POLN: variants seen among roughly 807,000 people sequenced by gnomAD.
POLN encodes the protein DNA polymerase N.
POLN carries 108 observed loss-of-function variants against 113.5 expected under a neutral mutation model. That is an observed-to-expected ratio of 0.95 (90% CI 0.81 to 1.12). POLN has a LOEUF of 1.12. POLN is among the 50% of genes most tolerant of loss of function. The pLI is 0.00. For synonymous variants in POLN, 386 were observed against 391.5 expected (o/e 0.99, Z 0.17); for missense variants, 1,097 against 1,077.1 (o/e 1.02, Z -0.26).
intron 4 of POLN, among the ~76,000 whole-genome samples, chr4:2,212,462 A>C: frequency 6.6e-6 from 1 of 152,008 alleles, no homozygotes; most frequent in East Asian, 1.9e-4. Flanking sequence ...GCAGCCTCAA[A>C]ATCCTTGGCT....
chr4:2,134,593 T>G (rs1165016450), intron 16 of POLN, among the ~76,000 whole-genome samples: 3 of 152,208 alleles, frequency 2.0e-5, no homozygotes, highest in Non-Finnish European at 4.4e-5. Flanking sequence ...CATTATTGTT[T>G]TAACCTCCCC....
At chr4:2,140,646 G>A (rs1490086786) in intron 16 of POLN, among the ~76,000 whole-genome samples, 1 of 152,012 alleles carries the variant, frequency 6.6e-6, no homozygotes, top group Non-Finnish European at 1.5e-5. Context: ...TACTCAGGAG[G>A]CTGAGGCATG....
chr4:2,172,211 A>T (rs777364677), intron 11 of POLN, among the ~76,000 whole-genome samples: 1 of 152,190 alleles, frequency 6.6e-6, no homozygotes, highest in Non-Finnish European at 1.5e-5. Context: ...TGCCTGCATG[A>T]CCTGAAATGC....
chr4:2,224,678 C>T (rs1434075440), intron 3 of POLN, among the ~76,000 whole-genome samples: 1 of 152,082 alleles, frequency 6.6e-6, no homozygotes, highest in Non-Finnish European at 1.5e-5. Flanking sequence ...CAGCTGGGTG[C>T]GGTGGCTCAT....
rs923737065 is a variant in POLN, at chr4:2,228,988, G to A, written c.133+111C>T. ...TCTGCACTGAATGAGTGTAAAAGGG[G>A]CGGGAGCTGGGCTTCATCTGTCTAC... On this transcript the variant is annotated intron_variant, in intron 3 of 25. Transcript: ENST00000511885. The A allele has an allele frequency of 4.7e-6, 5 of 1,070,954 alleles. No individual in the cohort carries two copies. In the African/African-American group the frequency reaches 8.2e-5, roughly 17 times the overall value. 66.3% of individuals were successfully genotyped at this position (1,070,954 alleles called of 1,614,324 possible).
chr4:2,110,787 C>T (rs1383305384), intron 19 of POLN, among the ~76,000 whole-genome samples: 2 of 152,284 alleles, frequency 1.3e-5, no homozygotes, highest in African/African-American at 2.4e-5. Flanking sequence ...CCAGATGGAT[C>T]CACAGCAGAA....
At chr4:2,098,947 G>C (rs1029485165) in intron 19 of POLN, among the ~76,000 whole-genome samples, 1 of 151,198 alleles carries the variant, frequency 6.6e-6, no homozygotes, top group African/African-American at 2.4e-5. Flanking sequence ...CACACACACT[G>C]AAGAGGTTAA....
chr4:2,117,072 ACAGGTC>A (rs1223836175), intron 19 of POLN, among the ~76,000 whole-genome samples: 2 of 152,218 alleles, frequency 1.3e-5, no homozygotes, highest in African/African-American at 2.4e-5. Context: ...CATGTCCATT[ACAGGTC>A]CACTGCAGCT....
At chr4:2,073,149 G>C in intron 24 of POLN, 120 bp from the exon 25 acceptor site, 1 of 908,208 alleles carries the variant, frequency 1.1e-6, no homozygotes, top group Admixed American at 2.1e-5. Flanking sequence ...CTTGTTTCCT[G>C]TGTCCACTCG....
chr4:2,073,218 C>A (rs904107658), intron 24 of POLN, among the ~76,000 whole-genome samples, 189 bp from the exon 25 acceptor site: 2 of 152,148 alleles, frequency 1.3e-5, no homozygotes, highest in African/African-American at 2.4e-5. Context: ...GTGCCCAGCC[C>A]CTGAGGCTGA....
intron 7 of POLN, among the ~76,000 whole-genome samples, chr4:2,189,045 G>T (rs1271050863): frequency 6.6e-6 from 1 of 151,188 alleles, no homozygotes; most frequent in Non-Finnish European, 1.5e-5. Flanking sequence ...TTTATTACTG[G>T]TTTTTGTAAC....
intron 19 of POLN, among the ~76,000 whole-genome samples, chr4:2,119,053 G>C (rs976559357): frequency 3.9e-5 from 6 of 152,216 alleles, no homozygotes; most frequent in African/African-American, 1.4e-4. Context: ...GGGAGCCACA[G>C]ACAGCAATAC....
At chr4:2,157,515 A>G (rs957054473) in intron 15 of POLN, among the ~76,000 whole-genome samples, 1 of 151,974 alleles carries the variant, frequency 6.6e-6, no homozygotes, top group East Asian at 1.9e-4. Context: ...TCACGACGTA[A>G]GAGTTTGAGA....
chr4:2,211,811 T>TCAAA lies in POLN; in HGVS notation c.213+1232_213+1235dup, dbSNP rs979958521. Among the ~76,000 whole-genome samples, 6 of 152,128 alleles carry TCAAA rather than the reference T, an allele frequency of 3.9e-5. No individual in the cohort carries two copies. The East Asian group carries it at 5.8e-4, about 15-fold the overall frequency. ...CTGGGTGACAGAGTGAAGGCCTGTCTCAAACAAACAAACAAACAAAAACAA... is the reference window on the plus strand; with the variant it reads ...CTGGGTGACAGAGTGAAGGCCTGTCTCAAACAAACAAACAAACAAACAAAAACAA... On this transcript the variant is annotated intron_variant, in intron 4 of 25. Coordinates refer to ENST00000511885, the MANE Select transcript of POLN (RefSeq NM_181808.4).
At chr4:2,159,096 G>C in intron 14 of POLN, 59 bp downstream of exon 14, 1 of 1,251,174 alleles carries the variant, frequency 8.0e-7, no homozygotes, top group Non-Finnish European at 1.2e-6. Flanking sequence ...GACAGACACA[G>C]GGCCATATGG....
intron 5 of POLN, among the ~76,000 whole-genome samples, chr4:2,201,296 A>AAAAAAC (rs1733707456): frequency 6.7e-6 from 1 of 148,850 alleles, no homozygotes; most frequent in African/African-American, 2.5e-5. Context: ...AAAAAAAAAA[A>AAAAAAC]AAAAAAACGA....
At chr4:2,167,028 T>C (rs924926622) in intron 13 of POLN, among the ~76,000 whole-genome samples, 1 of 152,190 alleles carries the variant, frequency 6.6e-6, no homozygotes, top group Non-Finnish European at 1.5e-5. Context: ...TATTCCATGA[T>C]GATAAAGACC....
intron 6 of POLN, among the ~76,000 whole-genome samples, chr4:2,196,041 C>T (rs1733564663): frequency 6.6e-6 from 1 of 152,074 alleles, no homozygotes; most frequent in African/African-American, 2.4e-5. Flanking sequence ...TGGGACAACC[C>T]AATTGCATCA....
At chr4:2,190,213 C>A (rs1041529907) in intron 7 of POLN, among the ~76,000 whole-genome samples, 8 of 151,992 alleles carry the variant, frequency 5.3e-5, no homozygotes, top group African/African-American at 1.9e-4. Flanking sequence ...AAAACCGACA[C>A]GCAGACCAAT....
Sources: allele counts gnomAD v4.1 joint callset (sites outside exome capture counted in the v4.1 genomes callset), GRCh38; gene constraint gnomAD v4.1.1; transcripts MANE v1.5; gene names NCBI Gene and HGNC (gene_info 2026-07-23, HGNC 2026-07-21).